Variants in ELAVL4 observed in about 807,000 individuals in gnomAD.
ELAVL4 encodes the protein ELAV like RNA binding protein 4.
A neutral mutation model predicts 35.6 loss-of-function variants in ELAVL4; 1 was observed. That is an observed-to-expected ratio of 0.03 (90% CI 0.01 to 0.13). The LOEUF (loss-of-function observed/expected upper bound fraction) is 0.13. ELAVL4 is among the 10% of genes least tolerant of loss of function. ELAVL4 has a pLI of 1.00. For synonymous variants in ELAVL4, 156 were observed against 171.0 expected, an observed-to-expected ratio of 0.91 and a Z score of 0.69; for missense variants, 267 against 464.9, an observed-to-expected ratio of 0.57 and a Z score of 3.91.
chr1:50,048,397 C>T (rs947450213), intron 1 of ELAVL4, among the ~76,000 whole-genome samples: 1 of 152,200 alleles, frequency 6.6e-6, no homozygotes, highest in Non-Finnish European at 1.5e-5. Context: ...GCCCATCTGG[C>T]GGCTCTGGCC....
intron 3 of ELAVL4, among the ~76,000 whole-genome samples, chr1:50,186,382 T>C (rs905705443): frequency 2.0e-4 from 30 of 152,208 alleles, no homozygotes; most frequent in African/African-American, 6.8e-4. Context: ...CTCAGACTCA[T>C]AGGGCAGGTA....
intron 1 of ELAVL4, among the ~76,000 whole-genome samples, chr1:50,118,550 T>C (rs1668349000): frequency 6.6e-6 from 1 of 151,768 alleles, no homozygotes; most frequent in African/African-American, 2.4e-5. Flanking sequence ...CTTGGCGTAG[T>C]TGTTGATTAC....
intron 1 of ELAVL4, among the ~76,000 whole-genome samples, chr1:50,124,526 A>G (rs536335611): frequency 6.6e-6 from 1 of 152,236 alleles, no homozygotes; most frequent in East Asian, 1.9e-4. Flanking sequence ...TTTAAAACCT[A>G]GTTTGTTTCA....
At chr1:50,097,634 A>G (rs974862307) in intron 1 of ELAVL4, among the ~76,000 whole-genome samples, 14 of 152,148 alleles carry the variant, frequency 9.2e-5, no homozygotes, top group Non-Finnish European at 1.5e-5. Context: ...TACTTTCACA[A>G]ACATGCACTA....
chr1:50,079,307 G>C (rs1410734425), intron 1 of ELAVL4, among the ~76,000 whole-genome samples: 3 of 152,148 alleles, frequency 2.0e-5, no homozygotes, highest in Admixed American at 1.3e-4. Flanking sequence ...TAGCATGTAG[G>C]AGATTTATTA....
intron 2 of ELAVL4, among the ~76,000 whole-genome samples, chr1:50,162,653 G>C (rs546353368): frequency 6.6e-6 from 1 of 151,704 alleles, no homozygotes; most frequent in East Asian, 1.9e-4. Context: ...GTGTGATCTC[G>C]GCTCACTGCA....
upstream of ELAVL4, among the ~76,000 whole-genome samples, chr1:50,104,877 G>A (rs1448370698): frequency 1.3e-5 from 2 of 152,282 alleles, no homozygotes; most frequent in Non-Finnish European, 2.9e-5. Context: ...CAGAGGAGCA[G>A]ATTAATTGGA....
chr1:50,168,577 G>T (rs972636532), intron 2 of ELAVL4, among the ~76,000 whole-genome samples: 12 of 152,086 alleles, frequency 7.9e-5, no homozygotes, highest in Admixed American at 2.0e-4. Flanking sequence ...TCATCACTTT[G>T]TCCACTGAAC....
intron 1 of ELAVL4, among the ~76,000 whole-genome samples, chr1:50,118,929 T>G (rs973542287): frequency 5.6e-5 from 7 of 125,780 alleles, no homozygotes; most frequent in Non-Finnish European, 1.1e-4. Context: ...TTGCAGGTCC[T>G]ATGCTAAAAA....
chr1:50,111,750 C>G (rs887930885), intron 1 of ELAVL4, among the ~76,000 whole-genome samples: 2 of 152,116 alleles, frequency 1.3e-5, no homozygotes, highest in Non-Finnish European at 2.9e-5. Context: ...CTTTGGACGT[C>G]TGGGACCCAT....
At position 50,084,454 on chromosome 1, in the gene ELAVL4, A is replaced by G. The variant is rs147067427; in HGVS notation, c.18+36272A>G. Among the ~76,000 whole-genome samples, 39 of 152,194 alleles carry G rather than the reference A, an allele frequency of 2.6e-4. No individual in the cohort carries two copies. In the East Asian group the frequency reaches 7.2e-3, roughly 28 times the overall value. ...GTTTCCTCCAAGTCTTTTTTTATGCATATTTTTTCATGGCTGAGATCATAC... is the reference window on the plus strand; with the variant it reads ...GTTTCCTCCAAGTCTTTTTTTATGCGTATTTTTTCATGGCTGAGATCATAC... On this transcript the variant is annotated intron_variant, in intron 1 of 6. Transcript: ENST00000448907.
chr1:50,144,168 C>T (rs1357872312), intron 1 of ELAVL4, among the ~76,000 whole-genome samples: 1 of 152,168 alleles, frequency 6.6e-6, no homozygotes, highest in Non-Finnish European at 1.5e-5. Flanking sequence ...CTCATACGTG[C>T]TACCTGGAAC....
chr1:50,167,565 G>A (rs995535127), intron 2 of ELAVL4, among the ~76,000 whole-genome samples: 3 of 152,184 alleles, frequency 2.0e-5, no homozygotes, highest in Admixed American at 6.5e-5. Flanking sequence ...TCAAGGGCTC[G>A]ATAGTGGTCT....
At chr1:50,069,612 G>A (rs184033756) in intron 1 of ELAVL4, among the ~76,000 whole-genome samples, 56 of 152,140 alleles carry the variant, frequency 3.7e-4, no homozygotes, top group East Asian at 2.5e-3. Flanking sequence ...ATTGTTTTCC[G>A]GTGTTCCTCT....
At chr1:50,178,330 T>A (rs910715429) in intron 3 of ELAVL4, among the ~76,000 whole-genome samples, 3 of 152,204 alleles carry the variant, frequency 2.0e-5, no homozygotes, top group Non-Finnish European at 4.4e-5. Context: ...AACTTTTTAG[T>A]CCAACAAAGC....
chr1:50,053,942 A>T (rs772137786), intron 1 of ELAVL4, among the ~76,000 whole-genome samples: 6 of 152,170 alleles, frequency 3.9e-5, no homozygotes, highest in Non-Finnish European at 5.9e-5. Context: ...ATGAAGATGA[A>T]GAAGTTTTAG....
chr1:50,177,017 GCT>G (rs370190437), intron 2 of ELAVL4, 70 bp from the exon 3 acceptor site: 35,742 of 1,022,826 alleles, frequency 0.035, no homozygotes, highest in South Asian at 0.049. Flanking sequence ...TACTGAGCAT[GCT>G]CTCTCTCTCT....
At position 50,193,212 on chromosome 1, in the gene ELAVL4, G is replaced by C. The variant is rs185239970; in HGVS notation, c.355-553G>C. Among the ~76,000 whole-genome samples, 4 of 152,246 alleles carry C rather than the reference G, an allele frequency of 2.6e-5. No homozygotes were observed. In the East Asian group the frequency reaches 7.7e-4, roughly 29 times the overall value. On this transcript the variant is annotated intron_variant, in intron 3 of 6. Coordinates refer to ENST00000371824, the MANE Select transcript of ELAVL4 (RefSeq NM_001144774.3). ...TCACCAGCACTTTGTCATTTGGTGA[G>C]AGCAGACCTCATGGGAACAGACTGG...
intron 3 of ELAVL4, among the ~76,000 whole-genome samples, chr1:50,178,496 G>A (rs1224805080): frequency 6.6e-6 from 1 of 152,112 alleles, no homozygotes; most frequent in Non-Finnish European, 1.5e-5. Flanking sequence ...TTGCAATTGA[G>A]TTTAGCTTAT....
Sources: gnomAD v4.1 joint callset for allele counts (sites outside exome capture counted in the v4.1 genomes callset) on GRCh38, gnomAD v4.1.1 for gene constraint, MANE v1.5 for transcripts, NCBI Gene and HGNC (gene_info 2026-07-23, HGNC 2026-07-21) for gene names.